TRPC5: variants seen among roughly 807,000 people sequenced by gnomAD.
The protein encoded by TRPC5 is transient receptor potential cation channel subfamily C member 5, also known as short transient receptor potential channel 5.
In TRPC5, 9 loss-of-function variants were observed where a neutral mutation model predicts 56.5. The ratio of observed to expected loss-of-function variants is 0.16; its 90% confidence interval spans 0.10 to 0.28. The LOEUF (loss-of-function observed/expected upper bound fraction) is 0.28. Among genes scored for constraint, TRPC5 ranks in the 10% least tolerant of loss-of-function variants. TRPC5 has a pLI of 1.00. For synonymous variants in TRPC5, 282 were observed against 278.5 expected (o/e 1.01, Z -0.13); for missense variants, 469 against 748.9 (o/e 0.63, Z 4.36).
chrX:111,883,159 T>G (rs750261819), intron 3 of TRPC5, among the ~76,000 whole-genome samples: 66 of 112,060 alleles, frequency 5.9e-4, no homozygotes, highest in Non-Finnish European at 1.1e-3. Flanking sequence ...TTAAATCTAG[T>G]TAGCTTGGTT....
rs2148583650 is a variant in TRPC5, at chrX:111,847,239, G to A, written c.1575C>T (p.Cys525=). 1 of 1,211,329 alleles carries A rather than the reference G, an allele frequency of 8.3e-7. No homozygotes were observed. Residue 525 remains cysteine (C), a synonymous_variant, in exon 6 of 11, where the codon TGC becomes TGT. Coordinates refer to ENST00000262839, the MANE Select transcript of TRPC5 (RefSeq NM_012471.3). ...LDILKFLFIY[C]LVLLAFANGL... Reference sequence around the variant, plus strand: ...CATTGGCAAAAGCTAGTAGTACCAGGCAGTAGATAAAGAGGAATTTGAGGA... The same window carrying A: ...CATTGGCAAAAGCTAGTAGTACCAGACAGTAGATAAAGAGGAATTTGAGGA...
intron 9 of TRPC5, 101 bp downstream of exon 9, chrX:111,781,064 T>A (rs1945915951): frequency 3.0e-5 from 25 of 839,000 alleles, no homozygotes; most frequent in Non-Finnish European, 4.3e-5. Flanking sequence ...CCTATCCCAG[T>A]CAAATGGGAT....
intron 1 of TRPC5, among the ~76,000 whole-genome samples, chrX:111,993,672 A>C (rs760118496): frequency 1.8e-5 from 2 of 111,852 alleles, no homozygotes; most frequent in Non-Finnish European, 3.8e-5. Flanking sequence ...GCATTTTTTC[A>C]TGTGTCTGTT....
intron 3 of TRPC5, among the ~76,000 whole-genome samples, chrX:111,873,821 C>CA (rs11373844): frequency 0.017 from 1,782 of 104,534 alleles, 27 homozygotes; most frequent in African/African-American, 0.057. Flanking sequence ...AATAAAAAAG[C>CA]AAAAAAAAAA....
chrX:111,987,707 C>A (rs906054256), intron 1 of TRPC5, among the ~76,000 whole-genome samples: 4 of 112,299 alleles, frequency 3.6e-5, no homozygotes, highest in African/African-American at 1.3e-4. Context: ...TGTATATGTA[C>A]ACCACAATTT....
chrX:111,930,576 G>A (rs1490696016), intron 2 of TRPC5, among the ~76,000 whole-genome samples: 1 of 110,772 alleles, frequency 9.0e-6, no homozygotes, highest in East Asian at 2.8e-4. Flanking sequence ...ACTCCAGCCT[G>A]GGCAACACAG....
chrX:112,079,683 C>T (rs1013096804), intron 1 of TRPC5, among the ~76,000 whole-genome samples: 3 of 111,813 alleles, frequency 2.7e-5, no homozygotes, highest in African/African-American at 9.8e-5. Context: ...CGTGCCATTC[C>T]GGTTTTAGTT....
chrX:111,859,253 G>A, intron 3 of TRPC5, among the ~76,000 whole-genome samples: 1 of 111,791 alleles, frequency 8.9e-6, no homozygotes, highest in Non-Finnish European at 1.9e-5. Flanking sequence ...GTCGATTTTG[G>A]TAATGGATAT....
intron 1 of TRPC5, among the ~76,000 whole-genome samples, chrX:112,032,503 G>A (rs988646624): frequency 8.9e-6 from 1 of 112,312 alleles, no homozygotes; most frequent in Admixed American, 9.4e-5. Flanking sequence ...ACCAGACTTT[G>A]TTTATCCATA....
chrX:111,878,348 A>C (rs1453867105), intron 3 of TRPC5, among the ~76,000 whole-genome samples: 1 of 111,534 alleles, frequency 9.0e-6, no homozygotes, highest in Non-Finnish European at 1.9e-5. Flanking sequence ...GATATACTGC[A>C]TTATTTCCTG....
At chrX:111,818,182 A>G (rs1408374002) in intron 7 of TRPC5, among the ~76,000 whole-genome samples, 1 of 111,891 alleles carries the variant, frequency 8.9e-6, no homozygotes. Flanking sequence ...ACTGGGGGGA[A>G]AATTTTGCCT....
intron 3 of TRPC5, among the ~76,000 whole-genome samples, chrX:111,872,038 AC>A (rs768958236): frequency 1.1e-3 from 125 of 112,029 alleles, no homozygotes; most frequent in Non-Finnish European, 2.1e-3. Context: ...GTCTGCTTTG[AC>A]TTTGACCTTC....
At chrX:111,864,903 G>T (rs924327854) in intron 3 of TRPC5, among the ~76,000 whole-genome samples, 3 of 111,992 alleles carry the variant, frequency 2.7e-5, no homozygotes, top group African/African-American at 9.7e-5. Context: ...AAGTTATGTT[G>T]TTCTATTTGT....
At chrX:111,862,171 T>C (rs1168329756) in intron 3 of TRPC5, among the ~76,000 whole-genome samples, 3 of 111,809 alleles carry the variant, frequency 2.7e-5, no homozygotes, top group Admixed American at 1.9e-4. Flanking sequence ...GAATTATACT[T>C]TGACACAGAA....
chrX:111,777,059 G>C, intron 10 of TRPC5, 57 bp from the exon 11 acceptor site: 1 of 981,895 alleles, frequency 1.0e-6, no homozygotes, highest in South Asian at 3.3e-5. Context: ...TTTCAAAGTA[G>C]GCACATTAGA....
rs752746238 is a variant in TRPC5 at position 111,775,097 on chromosome X, A to G, written c.*1216T>C. The G allele has an allele frequency of 7.2e-5, 8 of 111,784 alleles. No homozygotes were observed. Among genetic ancestry groups the G allele is most frequent in the African/African-American group, 2.6e-4 (8 of 30,834 alleles). The allele number at this position is 111,784 out of a possible 1,213,427, so 9.2% of individuals were successfully genotyped here. A position where few individuals can be genotyped will look rare whatever the true frequency, so the allele number is the denominator to read the frequency against. On this transcript the variant is annotated 3_prime_UTR_variant, in exon 11 of 11. Coordinates refer to ENST00000262839, the MANE Select transcript of TRPC5 (RefSeq NM_012471.3). ...TGGAAAAGAATTTGTTTGGATGTAT[A>G]AATGTAGCTTTCTTGGAAGACAGTA...
At chrX:111,900,949 G>A (rs990192564) in intron 3 of TRPC5, among the ~76,000 whole-genome samples, 1 of 111,164 alleles carries the variant, frequency 9.0e-6, no homozygotes, top group Non-Finnish European at 1.9e-5. Flanking sequence ...AAGTGGGTTT[G>A]CAAAGCCCAC....
intron 1 of TRPC5, among the ~76,000 whole-genome samples, chrX:111,996,110 T>C (rs1237956118): frequency 8.9e-6 from 1 of 112,260 alleles, no homozygotes; most frequent in Non-Finnish European, 1.9e-5. Context: ...TGCTTTCTCT[T>C]GTGGGCATTT....
chrX:111,869,150 ATT>A (rs200465770), intron 3 of TRPC5, among the ~76,000 whole-genome samples: 8 of 98,438 alleles, frequency 8.1e-5, no homozygotes, highest in Admixed American at 1.1e-4. Flanking sequence ...GCAGTGCAGC[ATT>A]TTTTTTTTTT....
Sources: allele counts gnomAD v4.1 joint callset (sites outside exome capture counted in the v4.1 genomes callset), GRCh38; gene constraint gnomAD v4.1.1; transcripts MANE v1.5; gene names NCBI Gene and HGNC (gene_info 2026-07-23, HGNC 2026-07-21).